PMEPA1: variants seen among roughly 807,000 people sequenced by gnomAD.
The protein encoded by PMEPA1 is protein TMEPAI.
Under a neutral mutation model 23.0 loss-of-function variants are expected in PMEPA1, and 11 were observed. The observed-to-expected ratio is 0.48, with a 90% CI of 0.30 to 0.79. The LOEUF (loss-of-function observed/expected upper bound fraction) is 0.79, where lower values mean the gene tolerates loss of function less well. Ranked by LOEUF, PMEPA1 falls within the 30% of genes least tolerant of loss-of-function variation. PMEPA1 has a pLI of 0.06. For missense variants in PMEPA1, 377 were observed against 390.9 expected (o/e 0.96, Z 0.30); for synonymous variants, 204 against 166.4 (o/e 1.23, Z -1.74).
chr20:57,709,553 G>T lies in PMEPA1; in HGVS notation c.30C>A (p.Thr10=). Residue 10 remains threonine, a synonymous_variant, in exon 1 of 4, where the codon ACC becomes ACA. Coordinates refer to ENST00000341744, the MANE Select transcript of PMEPA1 (RefSeq NM_020182.5). MHRLMGVNS[T]AAAAAGQPNV... The stretch of plus-strand genomic sequence containing the variant: ...TGGGCTGCCCGGCGGCGGCGGCGGC[G>T]GTGCTGTTGACCCCCATCAAGCGGT... 3 of 1,094,914 alleles carry T rather than the reference G, an allele frequency of 2.7e-6. No individual in the cohort carries two copies. The highest frequency in any genetic ancestry group is 3.4e-6 in the Non-Finnish European group (3 of 882,892). 67.8% of individuals were successfully genotyped at this position (1,094,914 alleles called of 1,614,324 possible).
At chr20:57,674,623 CT>C (rs1568972951) in intron 1 of PMEPA1, among the ~76,000 whole-genome samples, 1 of 152,268 alleles carries the variant, frequency 6.6e-6, no homozygotes, top group African/African-American at 2.4e-5. Context: ...AACCTGCCCT[CT>C]GTCTCCATGC....
At chr20:57,690,415 G>T in intron 1 of PMEPA1, 2 of 1,302,572 alleles carry the variant, frequency 1.5e-6, no homozygotes, top group Non-Finnish European at 2.0e-6. Flanking sequence ...GGAATTGCAG[G>T]CATTTTGACT....
chr20:57,651,213 A>G lies in PMEPA1; in HGVS notation c.*840T>C, dbSNP rs1298923833. On this transcript the variant is annotated 3_prime_UTR_variant, in exon 4 of 4. Coordinates refer to ENST00000341744, the MANE Select transcript of PMEPA1 (RefSeq NM_020182.5). ...TGTCTCCTTCGGTAGGGAATATATA[A>G]CGTGGTGATAACCTGTCACTAGGCA... 1 of 152,216 alleles carries G rather than the reference A, an allele frequency of 6.6e-6. No homozygotes were observed. The highest frequency in any genetic ancestry group is 2.4e-5 in the African/African-American group (1 of 41,424). The allele number at this position is 152,216 out of a possible 1,614,324, so 9.4% of individuals were successfully genotyped here. A position where few individuals can be genotyped will look rare whatever the true frequency, so the allele number is the denominator to read the frequency against.
intron 1 of PMEPA1, among the ~76,000 whole-genome samples, chr20:57,670,843 C>A (rs533955379): frequency 6.6e-5 from 10 of 152,184 alleles, no homozygotes; most frequent in Non-Finnish European, 1.3e-4. Flanking sequence ...CTGTGCAGAA[C>A]CCCATTCATT....
chr20:57,694,820 G>A (rs2071924963), intron 1 of PMEPA1, among the ~76,000 whole-genome samples: 1 of 152,226 alleles, frequency 6.6e-6, no homozygotes, highest in African/African-American at 2.4e-5. Context: ...CACAACAGGA[G>A]GAAGTCAGGA....
intron 1 of PMEPA1, among the ~76,000 whole-genome samples, chr20:57,672,242 C>T (rs529703438): frequency 2.6e-5 from 4 of 152,366 alleles, no homozygotes; most frequent in East Asian, 3.9e-4. Context: ...TGTTTCCAAC[C>T]GGCCGACAGT....
At chr20:57,673,368 C>G (rs952588703) in intron 1 of PMEPA1, among the ~76,000 whole-genome samples, 11 of 152,144 alleles carry the variant, frequency 7.2e-5, no homozygotes, top group African/African-American at 2.7e-4. Flanking sequence ...AAATACCACC[C>G]AAGACATCTG....
At chr20:57,694,191 A>T (rs1283101682) in intron 1 of PMEPA1, among the ~76,000 whole-genome samples, 1 of 152,190 alleles carries the variant, frequency 6.6e-6, no homozygotes, top group Non-Finnish European at 1.5e-5. Flanking sequence ...CTACAGGAGG[A>T]GCTGCAGATC....
At chr20:57,699,396 G>A (rs1056360650) in intron 1 of PMEPA1, among the ~76,000 whole-genome samples, 3 of 152,208 alleles carry the variant, frequency 2.0e-5, no homozygotes, top group Admixed American at 1.3e-4. Flanking sequence ...AATCACCTCC[G>A]TGCAGTAATT....
At chr20:57,661,015 C>G (rs889529390) in intron 1 of PMEPA1, among the ~76,000 whole-genome samples, 28 of 152,220 alleles carry the variant, frequency 1.8e-4, no homozygotes, top group African/African-American at 6.8e-4. Flanking sequence ...CTCACAAACA[C>G]ACGCCACGCT....
chr20:57,700,074 C>T (rs1448645476), intron 1 of PMEPA1: 1 of 471,254 alleles, frequency 2.1e-6, no homozygotes, highest in Admixed American at 2.3e-5. Flanking sequence ...TTGTCACTTT[C>T]ATGCTCCCAA....
intron 1 of PMEPA1, among the ~76,000 whole-genome samples, chr20:57,692,489 C>T (rs997872594): frequency 1.3e-5 from 2 of 152,104 alleles, no homozygotes; most frequent in South Asian, 4.1e-4. Flanking sequence ...CTCCTGAGCC[C>T]GGTCCCCCTG....
intron 1 of PMEPA1, among the ~76,000 whole-genome samples, chr20:57,678,545 C>T (rs977586430): frequency 2.0e-5 from 3 of 152,166 alleles, no homozygotes; most frequent in East Asian, 1.9e-4. Context: ...AAACAGAAGC[C>T]GCTTCCCTCT....
chr20:57,651,980 ACT>A lies in PMEPA1; in HGVS notation c.*71_*72del. On this transcript the variant is annotated 3_prime_UTR_variant, in exon 4 of 4. Transcript: ENST00000341744. ...TTGCTGCGCCCCCCGCCTTCCTCTCACTCCTCTTCTAAGAAGCGCGGAGTGTT... is the reference window on the plus strand; with the variant it reads ...TTGCTGCGCCCCCCGCCTTCCTCTCACCTCTTCTAAGAAGCGCGGAGTGTT... The A allele has an allele frequency of 7.6e-7, 1 of 1,317,592 alleles. No homozygotes were observed. The highest frequency in any genetic ancestry group is 2.6e-5 in the East Asian group (1 of 38,090). The allele number at this position is 1,317,592 out of a possible 1,614,324, so 81.6% of individuals were successfully genotyped here. A position where few individuals can be genotyped will look rare whatever the true frequency, so the allele number is the denominator to read the frequency against.
At chr20:57,690,481 T>C in intron 1 of PMEPA1, 2 of 1,303,486 alleles carry the variant, frequency 1.5e-6, no homozygotes, top group South Asian at 1.2e-5. Context: ...GGAGTGTATA[T>C]CACTTTTTAC....
chr20:57,653,543 G>A (rs1029661514), intron 2 of PMEPA1, among the ~76,000 whole-genome samples: 1 of 152,246 alleles, frequency 6.6e-6, no homozygotes, highest in Non-Finnish European at 1.5e-5. Flanking sequence ...TACAGTTCTT[G>A]AGATTACAGT....
chr20:57,690,966 G>A (rs2071874626), intron 1 of PMEPA1, among the ~76,000 whole-genome samples: 1 of 152,226 alleles, frequency 6.6e-6, no homozygotes, highest in African/African-American at 2.4e-5. Flanking sequence ...CCGCTTACAA[G>A]GCTACCAGAG....
At chr20:57,688,176 T>G (rs1037936098) in intron 1 of PMEPA1, among the ~76,000 whole-genome samples, 1 of 152,248 alleles carries the variant, frequency 6.6e-6, no homozygotes, top group African/African-American at 2.4e-5. Flanking sequence ...TTCTCCCCAT[T>G]CCAAGATTTC....
At chr20:57,709,336 G>T (rs894645633) in intron 1 of PMEPA1, 138 bp downstream of exon 1, 2 of 461,694 alleles carry the variant, frequency 4.3e-6, no homozygotes, top group Non-Finnish European at 5.8e-6. Flanking sequence ...CGCGCCCGGG[G>T]CGCGGCGGGC....
Sources: allele counts gnomAD v4.1 joint callset (sites outside exome capture counted in the v4.1 genomes callset), GRCh38; gene constraint gnomAD v4.1.1; transcripts MANE v1.5; gene names NCBI Gene and HGNC (gene_info 2026-07-23, HGNC 2026-07-21).